Variants in PCGF1 observed in about 807,000 individuals in gnomAD.
PCGF1 encodes polycomb group RING finger protein 1.
A neutral mutation model predicts 38.8 loss-of-function variants in PCGF1; 10 were observed. The ratio of observed to expected loss-of-function variants is 0.26; its 90% CI spans 0.16 to 0.44. The LOEUF (loss-of-function observed/expected upper bound fraction) is 0.44. PCGF1 is among the 20% of genes least tolerant of loss of function. The pLI is 1.00. For missense variants in PCGF1, 230 were observed against 331.5 expected, an observed-to-expected ratio of 0.69 and a Z score of 2.38; for synonymous variants, 119 against 121.3, an observed-to-expected ratio of 0.98 and a Z score of 0.12.
In PCGF1 at chr2:74,505,535, A is replaced by G. The variant is rs374883883; in HGVS notation, c.651+17T>C. On this transcript the variant is annotated intron_variant, in intron 7 of 8. Coordinates refer to ENST00000233630, the MANE Select transcript of PCGF1 (RefSeq NM_032673.3). ...GCCCCTTCTCCCCCTCAAGAAACCT[A>G]CTGTGGGACTACTCACATGCTGAGG... The G allele has an allele frequency of 1.2e-6, 2 of 1,613,732 alleles. No homozygotes were observed. The highest frequency in any genetic ancestry group is 8.5e-7 in the Non-Finnish European group (1 of 1,179,804).
At chr2:74,506,100 C>T (rs374375582) in intron 4 of PCGF1, 43 bp from the exon 5 acceptor site, 10 of 1,612,418 alleles carry the variant, frequency 6.2e-6, no homozygotes, top group African/African-American at 1.3e-5. Flanking sequence ...GCACACATTC[C>T]ATACTCCTCT....
intron 1 of PCGF1, 100 bp downstream of exon 1, chr2:74,507,476 C>A: frequency 6.6e-7 from 1 of 1,513,000 alleles, no homozygotes. Context: ...TCTGTCTCTG[C>A]GCAGGCGCAC....
intron 1 of PCGF1, 33 bp from the exon 2 acceptor site, chr2:74,507,180 CCCT>C: frequency 1.2e-6 from 2 of 1,600,406 alleles, no homozygotes. Flanking sequence ...CAATCATCCA[CCCT>C]CAAACCCCAA....
chr2:74,505,336 T>C lies in PCGF1; in HGVS notation c.732+3A>G. On this transcript the variant is annotated splice_donor_region_variant and intron_variant, in intron 8 of 8. Coordinates refer to ENST00000233630, the MANE Select transcript of PCGF1 (RefSeq NM_032673.3). ...TGATCCCAGGGAGGGTGGCCTGGCT[T>C]ACCTTGCCGAACCAGCGGGAGAGCC... 6.2e-7 allele frequency: 1 copy of C among 1,605,602 alleles called. No homozygotes were observed. The highest frequency in any genetic ancestry group is 1.1e-5 in the South Asian group (1 of 89,594).
At chr2:74,507,404 C>CG in intron 1 of PCGF1, 172 bp downstream of exon 1, 1 of 1,455,278 alleles carries the variant, frequency 6.9e-7, no homozygotes, top group Non-Finnish European at 9.0e-7. Context: ...GGCGACACAA[C>CG]GCGCAGGCGT....
Position 74,506,742 on chromosome 2 carries a change from G to C in PCGF1, c.342C>G (p.Gly114=), listed in dbSNP as rs377600929. The change falls in exon 3 of 9, where the codon GGC becomes GGG. Residue 114 remains glycine (G), a synonymous_variant. Coordinates refer to ENST00000233630, the MANE Select transcript of PCGF1 (RefSeq NM_032673.3). The stretch of plus-strand genomic sequence containing the variant: ...AGGTTGGTGACTCACTGTCTTGCAA[G>C]CCAGGCACCAGCTTATACACGATGT... ...MQDIVYKLVP[G]LQDSEEKRIR... is the part of the protein sequence containing the mutation. 4.3e-6 allele frequency: 7 copies of C among 1,613,690 alleles called. No individual in the cohort carries two copies. The highest frequency in any genetic ancestry group is 5.9e-6 in the Non-Finnish European group (7 of 1,179,936).
Position 74,505,782 on chromosome 2 carries a change from T to G in PCGF1, c.531-12A>C, listed in dbSNP as rs774298527. On this transcript the variant is annotated splice_polypyrimidine_tract_variant and intron_variant, in intron 5 of 8. Coordinates refer to ENST00000233630, the MANE Select transcript of PCGF1 (RefSeq NM_032673.3). Reference sequence around the variant, plus strand: ...TGTCTTTGCCAGAACTGGGGGGAAATAGACACAGGTTAGGGAATCCTATCT... The same window carrying G: ...TGTCTTTGCCAGAACTGGGGGGAAAGAGACACAGGTTAGGGAATCCTATCT... 1 of 1,613,988 alleles carries G rather than the reference T, an allele frequency of 6.2e-7. No homozygotes were observed. The highest frequency in any genetic ancestry group is 2.2e-5 in the East Asian group (1 of 44,872).
rs757854168 is a variant in PCGF1 at position 74,505,658 on chromosome 2, G to A, written c.565-20C>T. ...CTTGTTCTGGGAGCAGGGAGGGGAGGGAAGAGGGCAAGGTGTGTGAGGGAA... is the reference window on the plus strand; with the variant it reads ...CTTGTTCTGGGAGCAGGGAGGGGAGAGAAGAGGGCAAGGTGTGTGAGGGAA... On this transcript the variant is annotated intron_variant, in intron 6 of 8. Coordinates refer to ENST00000233630, the MANE Select transcript of PCGF1 (RefSeq NM_032673.3). 2.5e-6 allele frequency: 4 copies of A among 1,613,998 alleles called. No individual in the cohort carries two copies. The highest frequency in any genetic ancestry group is 4.5e-5 in the East Asian group (2 of 44,894).
At position 74,507,503 on chromosome 2, in the gene PCGF1, C is replaced by A. The variant is rs1674670207; in HGVS notation, c.93+73G>T. The A allele has an allele frequency of 6.5e-6, 10 of 1,532,724 alleles. No homozygotes were observed. In the South Asian group the frequency reaches 1.1e-4, roughly 17 times the overall value. 94.9% of individuals were successfully genotyped at this position (1,532,724 alleles called of 1,614,324 possible). On this transcript the variant is annotated intron_variant, in intron 1 of 8. Coordinates refer to ENST00000233630, the MANE Select transcript of PCGF1 (RefSeq NM_032673.3). The stretch of plus-strand genomic sequence containing the variant: ...CAGGCGCACTGGGCGCCCGGCCAGC[C>A]ACCGCCCGTCCTTTAGCCCGCCCCA...
Position 74,507,593 on chromosome 2 carries a change from C to T in PCGF1, c.76G>A (p.Asp26Asn). 1.3e-6 allele frequency: 2 copies of T among 1,589,230 alleles called. No individual in the cohort carries two copies. The highest frequency in any genetic ancestry group is 1.7e-6 in the Non-Finnish European group (2 of 1,168,282). Residue 26 changes from aspartate to asparagine, a missense_variant, in exon 1 of 9, where the codon GAC becomes AAC. By Grantham distance (23) the Asp-to-Asn change is conservative. Around this residue, in one of 3 missense-constraint regions of PCGF1, gnomAD observed 46 missense variants for 35.9 expected, o/e 1.28. Coordinates refer to ENST00000233630, the MANE Select transcript of PCGF1 (RefSeq NM_032673.3). Reference protein sequence around the residue: ...RNQLQSVYKMDPLRNEEEVRV... With the variant: ...RNQLQSVYKMNPLRNEEEVRV... ...CCTTGCACCTCGTTCCGTAGCGGGT[C>T]CATCTTGTACACTGACTGGAGCTGG...
rs374254649 is a variant in PCGF1, at chr2:74,507,035, C to A, written c.199+7G>T. Reference sequence around the variant, plus strand: ...TGGAAGAACTAGGCAGTCTCCAAGGCACTCACAAGTATGAAGACACTCTGT... The same window carrying A: ...TGGAAGAACTAGGCAGTCTCCAAGGAACTCACAAGTATGAAGACACTCTGT... On this transcript the variant is annotated splice_region_variant and intron_variant, in intron 2 of 8. Transcript: ENST00000233630. 11 of 1,612,638 alleles carry A rather than the reference C, an allele frequency of 6.8e-6. No homozygotes were observed. Among genetic ancestry groups the A allele is most frequent in the Non-Finnish European group, 9.3e-6 (11 of 1,178,728 alleles).
rs915707921 is a variant in PCGF1 at position 74,506,200 on chromosome 2, G to A, written c.405C>T (p.Val135=). 1.2e-6 allele frequency: 2 copies of A among 1,614,080 alleles called. No homozygotes were observed. Among genetic ancestry groups the A allele is most frequent in the African/African-American group, 1.3e-5 (1 of 74,926 alleles). Residue 135 remains valine (V), a synonymous_variant, in exon 4 of 9, where the codon GTC becomes GTT. Transcript: ENST00000233630. ...ACATACCTTCCCCAGTGGGCTGGGT[G>A]ACCCGGTCCAAACCTCGGGACTGGT... ...EFYQSRGLDR[V]TQPTGEEPAL... is the part of the protein sequence containing the mutation.
At position 74,505,369 on chromosome 2, in the gene PCGF1, C is replaced by T; in HGVS notation, c.702G>A (p.Lys234=). 6.2e-7 allele frequency: 1 copy of T among 1,610,638 alleles called. No individual in the cohort carries two copies. Among genetic ancestry groups the T allele is most frequent in the South Asian group, 1.1e-5 (1 of 90,426 alleles). The change falls in exon 8 of 9, where the codon AAG becomes AAA. Residue 234 remains lysine (K), a synonymous_variant. Coordinates refer to ENST00000233630, the MANE Select transcript of PCGF1 (RefSeq NM_032673.3). ...NEVLPDHMTM[K]QIWLSRWFGK... ...CGAACCAGCGGGAGAGCCATATCTGCTTCATTGTCATGTGATCAGGGAGAA... is the reference window on the plus strand; with the variant it reads ...CGAACCAGCGGGAGAGCCATATCTGTTTCATTGTCATGTGATCAGGGAGAA...
intron 1 of PCGF1, 160 bp from the exon 2 acceptor site, chr2:74,507,307 G>T: frequency 1.4e-6 from 2 of 1,466,408 alleles, no homozygotes. Context: ...CTCCCCCTCC[G>T]CCCAGCAGAG....
intron 7 of PCGF1, 53 bp from the exon 8 acceptor site, chr2:74,505,472 T>C (rs1419562825): frequency 6.8e-6 from 11 of 1,607,948 alleles, no homozygotes; most frequent in Non-Finnish European, 9.4e-6. Context: ...GGTCAAAAAC[T>C]ACCCTGGTCC....
rs1674645376 is a variant in PCGF1, at chr2:74,506,704, G to GC, written c.352+27dup. The stretch of plus-strand genomic sequence containing the variant: ...CCACTCAGCAATTAGTCCTCAAGAG[G>GC]CCCCTCAAAGTCAGGTTGGTGACTC... On this transcript the variant is annotated intron_variant, in intron 3 of 8. Transcript: ENST00000233630. 3.1e-6 allele frequency: 5 copies of GC among 1,612,266 alleles called. No individual in the cohort carries two copies. The South Asian group carries it at 5.5e-5, about 18-fold the overall frequency.
Position 74,505,790 on chromosome 2 carries a change from G to A in PCGF1, c.531-20C>T, listed in dbSNP as rs1271635311. 8 of 1,614,038 alleles carry A rather than the reference G, an allele frequency of 5.0e-6. No homozygotes were observed. Among genetic ancestry groups the A allele is most frequent in the Non-Finnish European group, 6.8e-6 (8 of 1,179,940 alleles). On this transcript the variant is annotated intron_variant, in intron 5 of 8. Coordinates refer to ENST00000233630, the MANE Select transcript of PCGF1 (RefSeq NM_032673.3). ...CCAGAACTGGGGGGAAATAGACACAGGTTAGGGAATCCTATCTTTCCTCCT... is the reference window on the plus strand; with the variant it reads ...CCAGAACTGGGGGGAAATAGACACAAGTTAGGGAATCCTATCTTTCCTCCT...
intron 2 of PCGF1, 26 bp from the exon 3 acceptor site, chr2:74,506,910 C>T (rs751342958): frequency 1.2e-6 from 2 of 1,613,970 alleles, no homozygotes; most frequent in Non-Finnish European, 1.7e-6. Flanking sequence ...AGCAGATTCT[C>T]AGGCCCTCTG....
chr2:74,506,963 G>A (rs1342486785), intron 2 of PCGF1, 79 bp from the exon 3 acceptor site: 10 of 1,603,448 alleles, frequency 6.2e-6, no homozygotes, highest in Non-Finnish European at 7.7e-6. Context: ...GGATGCGTGA[G>A]GCAGGCCGCA....
Sources: gnomAD v4.1 joint callset for allele counts on GRCh38, gnomAD v4.1.1 for gene constraint, gnomAD v4.1.1 regional missense constraint, MANE v1.5 for transcripts, NCBI Gene and HGNC (gene_info 2026-07-23, HGNC 2026-07-21) for gene names.